Variants in ADAM12 observed in about 807,000 individuals in gnomAD.
ADAM12 encodes disintegrin and metalloproteinase domain-containing protein 12.
Under a neutral mutation model 106.4 loss-of-function variants are expected in ADAM12, and 70 were observed. The observed-to-expected ratio is 0.66, with a 90% CI of 0.54 to 0.80. The LOEUF (loss-of-function observed/expected upper bound fraction) is 0.80, where lower values mean the gene tolerates loss of function less well. Ranked by LOEUF, ADAM12 falls within the 30% of genes least tolerant of loss-of-function variation. ADAM12 has a pLI of 0.00. For synonymous variants in ADAM12, 420 were observed against 433.5 expected (o/e 0.97, Z 0.39); for missense variants, 1,010 against 1,171.9 (o/e 0.86, Z 2.02).
At chr10:126,359,097 A>G (rs1311744011) in intron 1 of ADAM12, among the ~76,000 whole-genome samples, 2 of 152,150 alleles carry the variant, frequency 1.3e-5, no homozygotes, top group Non-Finnish European at 2.9e-5. Context: ...AAACCATCAT[A>G]TCTCACGAGA....
intron 1 of ADAM12, among the ~76,000 whole-genome samples, chr10:126,365,049 G>A (rs1361607897): frequency 1.3e-5 from 2 of 152,100 alleles, no homozygotes; most frequent in African/African-American, 2.4e-5. Context: ...TCTGCCCTTT[G>A]CCATATGTTA....
chr10:126,332,002 C>T (rs1854530276), intron 1 of ADAM12, among the ~76,000 whole-genome samples: 1 of 152,176 alleles, frequency 6.6e-6, no homozygotes, highest in African/African-American at 2.4e-5. Flanking sequence ...CTCCCTCCTC[C>T]TGTCGCTTGA....
At chr10:126,127,914 T>A (rs1956231943) in intron 5 of ADAM12, among the ~76,000 whole-genome samples, 1 of 152,050 alleles carries the variant, frequency 6.6e-6, no homozygotes, top group Non-Finnish European at 1.5e-5. Flanking sequence ...GCACCACGCA[T>A]GTGGCGGCAT....
At chr10:126,178,256 G>C (rs550274325) in intron 3 of ADAM12, among the ~76,000 whole-genome samples, 1 of 151,820 alleles carries the variant, frequency 6.6e-6, no homozygotes, top group East Asian at 1.9e-4. Context: ...CTTCTTACCA[G>C]AGGAATTTGG....
At chr10:126,358,491 C>T (rs1422532481) in intron 1 of ADAM12, among the ~76,000 whole-genome samples, 1 of 152,126 alleles carries the variant, frequency 6.6e-6, no homozygotes, top group African/African-American at 2.4e-5. Context: ...AAGAAATGTA[C>T]CTTAACACAA....
Position 126,071,616 on chromosome 10 carries a change from T to C in ADAM12, c.1184A>G (p.Lys395Arg), listed in dbSNP as rs146149074. ...FPMVFSSCSR[K>R]DLETSLEKGM... ...TTTCTCCAGGCTGGTCTCCAAGTCCTTCCTGCTGCAACTGCTGAACACCAT... is the reference window on the plus strand; with the variant it reads ...TTTCTCCAGGCTGGTCTCCAAGTCCCTCCTGCTGCAACTGCTGAACACCAT... The change falls in exon 12 of 23, where the codon AAG becomes AGG. Residue 395 changes from lysine to arginine, a missense_variant. This residue lies in a region of ADAM12 where 615 missense variants were observed against 708.5 expected (regional missense o/e 0.87). Coordinates refer to ENST00000448723, the MANE Select transcript of ADAM12 (RefSeq NM_001288973.2). 32 of 1,614,020 alleles carry C rather than the reference T, an allele frequency of 2.0e-5. No individual in the cohort carries two copies. The African/African-American group carries it at 4.1e-4, about 21-fold the overall frequency.
intron 3 of ADAM12, among the ~76,000 whole-genome samples, chr10:126,179,158 G>A (rs1957270877): frequency 6.6e-6 from 1 of 152,164 alleles, no homozygotes; most frequent in African/African-American, 2.4e-5. Flanking sequence ...GGAGTGTGTG[G>A]GAATCTCCCA....
At chr10:126,226,381 C>T (rs921640851) in intron 3 of ADAM12, among the ~76,000 whole-genome samples, 9 of 152,288 alleles carry the variant, frequency 5.9e-5, no homozygotes, top group Admixed American at 2.0e-4. Context: ...TGGTGAGGAG[C>T]TTCTGTGTGG....
At chr10:126,091,506 G>T (rs1452738776) in intron 11 of ADAM12, among the ~76,000 whole-genome samples, 4 of 152,150 alleles carry the variant, frequency 2.6e-5, no homozygotes, top group Non-Finnish European at 4.4e-5. Context: ...GAAGCAAATA[G>T]AAAAGATTTA....
chr10:126,191,263 A>T (rs1017981224), intron 3 of ADAM12, among the ~76,000 whole-genome samples: 4 of 152,052 alleles, frequency 2.6e-5, no homozygotes, highest in African/African-American at 7.2e-5. Flanking sequence ...CAGCCTCTCA[A>T]AGTGCTGGGA....
rs191169236 is a variant in ADAM12, at chr10:126,293,600, C to T, written c.187-14612G>A. On this transcript the variant is annotated intron_variant, in intron 2 of 22. Transcript: ENST00000448723. ...GTGGTGTGACCTTGGCTCACTGCAA[C>T]CTCCACCTCCCAAGTTCAAGCAATT... Among the ~76,000 whole-genome samples the T allele has an allele frequency of 5.9e-5, 9 of 152,276 alleles. No individual in the cohort carries two copies. In the East Asian group the frequency reaches 1.7e-3, roughly 30 times the overall value.
chr10:126,202,656 A>C (rs1957724256), intron 3 of ADAM12, among the ~76,000 whole-genome samples: 1 of 152,232 alleles, frequency 6.6e-6, no homozygotes, highest in African/African-American at 2.4e-5. Flanking sequence ...TTGAACTCCA[A>C]AGCAAAACCT....
intron 3 of ADAM12, among the ~76,000 whole-genome samples, chr10:126,252,114 TGGGA>T (rs756356813): frequency 3.0e-5 from 1 of 33,266 alleles, no homozygotes; most frequent in African/African-American, 1.1e-4. Context: ...GATGGATGGA[TGGGA>T]TGGATGGATG....
intron 1 of ADAM12, among the ~76,000 whole-genome samples, chr10:126,345,009 C>A (rs1168310898): frequency 2.0e-5 from 3 of 152,162 alleles, no homozygotes; most frequent in East Asian, 1.9e-4. Context: ...ACTGAATACC[C>A]TTTATTTCTT....
Position 126,135,679 on chromosome 10 carries a change from G to A in ADAM12, c.340-19C>T, listed in dbSNP as rs188784050. 2.0e-5 allele frequency: 32 copies of A among 1,604,784 alleles called. No homozygotes were observed. The African/African-American group carries it at 3.3e-4, about 17-fold the overall frequency. ...AGTGACCCTAAAGGGGAGGAGGAGA[G>A]AATCCCATTTCAGTTATAACACATT... is the stretch of plus-strand genomic sequence containing the variant. On this transcript the variant is annotated intron_variant, in intron 4 of 22. Transcript: ENST00000448723.
At chr10:126,129,468 A>G (rs1331642017) in intron 5 of ADAM12, among the ~76,000 whole-genome samples, 1 of 152,168 alleles carries the variant, frequency 6.6e-6, no homozygotes, top group African/African-American at 2.4e-5. Flanking sequence ...CAGGAGCTGG[A>G]TTCTCTTCCC....
intron 2 of ADAM12, among the ~76,000 whole-genome samples, chr10:126,303,723 T>C (rs1203658687): frequency 1.3e-5 from 2 of 152,200 alleles, no homozygotes; most frequent in African/African-American, 4.8e-5. Flanking sequence ...TAACCCTGCA[T>C]AGCAAAGCCT....
intron 3 of ADAM12, among the ~76,000 whole-genome samples, chr10:126,213,572 C>A (rs534422631): frequency 4.6e-5 from 7 of 152,314 alleles, no homozygotes; most frequent in African/African-American, 1.7e-4. Flanking sequence ...ATACCCAAAC[C>A]ACTTTCTCTA....
At chr10:126,302,693 C>T (rs1438467748) in intron 2 of ADAM12, among the ~76,000 whole-genome samples, 1 of 152,036 alleles carries the variant, frequency 6.6e-6, no homozygotes, top group Non-Finnish European at 1.5e-5. Context: ...AGGAAACCAC[C>T]AATGGTGAGG....
Sources: gnomAD v4.1 joint callset for allele counts (sites outside exome capture counted in the v4.1 genomes callset) on GRCh38, gnomAD v4.1.1 for gene constraint, gnomAD v4.1.1 regional missense constraint, MANE v1.5 for transcripts, NCBI Gene and HGNC (gene_info 2026-07-23, HGNC 2026-07-21) for gene names.